NR1H4: variants seen among roughly 807,000 people sequenced by gnomAD.
The protein encoded by NR1H4 is nuclear receptor subfamily 1 group H member 4.
NR1H4 carries 23 observed loss-of-function variants against 58.5 expected under a neutral mutation model. That is an observed-to-expected ratio of 0.39 (90% CI 0.28 to 0.56). The LOEUF (loss-of-function observed/expected upper bound fraction) is 0.56, where lower values mean the gene tolerates loss of function less well. NR1H4 is among the 20% of genes least tolerant of loss of function. The pLI, the probability that NR1H4 is intolerant of heterozygous loss-of-function variation, is 0.58. For missense variants in NR1H4, 487 were observed against 576.9 expected, an observed-to-expected ratio of 0.84 and a Z score of 1.60; for synonymous variants, 214 against 198.0, an observed-to-expected ratio of 1.08 and a Z score of -0.68.
intron 1 of NR1H4, among the ~76,000 whole-genome samples, chr12:100,482,793 A>T (rs946791744): frequency 2.0e-5 from 3 of 152,184 alleles, no homozygotes; most frequent in African/African-American, 7.2e-5. Context: ...TGGTCCTGGA[A>T]GCCTCAACTC....
Position 100,510,864 on chromosome 12 carries a change from C to G in NR1H4, c.166C>G (p.Gln56Glu). Residue 56 changes from glutamine (Q) to glutamate (E), a missense_variant, in exon 4 of 11, where the codon CAA becomes GAA. By Grantham distance (29) the Gln-to-Glu change is conservative. Coordinates refer to ENST00000392986, the MANE Select transcript of NR1H4 (RefSeq NM_001206979.2). ...YSQYSNVQFP[Q>E]VQPQISSSSY... ...GCAATACAGCAATGTTCAGTTTCCC[C>G]AAGTTCAACCACAGATTTCCTCGTC... The G allele has an allele frequency of 6.2e-7, 1 of 1,614,166 alleles. No individual in the cohort carries two copies. Among genetic ancestry groups the G allele is most frequent in the Non-Finnish European group, 8.5e-7 (1 of 1,180,048 alleles).
At chr12:100,553,017 G>C (rs1241599515) in intron 9 of NR1H4, among the ~76,000 whole-genome samples, 1 of 148,638 alleles carries the variant, frequency 6.7e-6, no homozygotes, top group Admixed American at 6.7e-5. Flanking sequence ...TTTTTTTTTT[G>C]AGACGGAGTC....
intron 3 of NR1H4, among the ~76,000 whole-genome samples, chr12:100,501,373 G>A (rs1220708854): frequency 1.6e-5 from 2 of 128,302 alleles, no homozygotes; most frequent in Non-Finnish European, 3.0e-5. Context: ...TGGTGACCCC[G>A]ATCAAGCAAT....
intron 3 of NR1H4, among the ~76,000 whole-genome samples, chr12:100,508,284 G>A (rs1022087929): frequency 1.3e-5 from 2 of 152,058 alleles, no homozygotes; most frequent in Non-Finnish European, 2.9e-5. Context: ...AAGCGGCAAG[G>A]CACATTCAAG....
At position 100,474,001 on chromosome 12, in the gene NR1H4, A is replaced by C. The variant is rs185088122; in HGVS notation, c.-248A>C. On this transcript the variant is annotated 5_prime_UTR_variant, in exon 1 of 11. Transcript: ENST00000392986. ...AAATCGCTGGGATCTGGAGAGGAAG[A>C]CTCAGTCCAGAATCCTCCCAGGGCC... 6.6e-6 allele frequency: 1 copy of C among 152,118 alleles called. No homozygotes were observed. The highest frequency in any genetic ancestry group is 1.5e-5 in the Non-Finnish European group (1 of 68,044). The allele number at this position is 152,118 out of a possible 1,614,324, so 9.4% of individuals were successfully genotyped here.
At chr12:100,544,025 G>A (rs1259767197) in intron 9 of NR1H4, among the ~76,000 whole-genome samples, 3 of 152,094 alleles carry the variant, frequency 2.0e-5, no homozygotes, top group African/African-American at 7.2e-5. Flanking sequence ...GGCCAAGGCG[G>A]GTGGATTACA....
At chr12:100,500,368 A>T (rs1953807108) in intron 3 of NR1H4, among the ~76,000 whole-genome samples, 1 of 152,154 alleles carries the variant, frequency 6.6e-6, no homozygotes, top group Non-Finnish European at 1.5e-5. Context: ...TACAACATTC[A>T]CAGTGCTCCC....
intron 9 of NR1H4, among the ~76,000 whole-genome samples, chr12:100,556,169 G>A (rs553033347): frequency 5.4e-4 from 82 of 152,164 alleles, no homozygotes; most frequent in Admixed American, 1.5e-3. Flanking sequence ...TAAATAAATC[G>A]TATAATTCTC....
chr12:100,537,974 T>C (rs1268902928), intron 8 of NR1H4, among the ~76,000 whole-genome samples: 1 of 152,184 alleles, frequency 6.6e-6, no homozygotes, highest in African/African-American at 2.4e-5. Flanking sequence ...TTGGCCAAAG[T>C]GCTGGGATTA....
intron 1 of NR1H4, among the ~76,000 whole-genome samples, chr12:100,489,649 G>C (rs1391032665): frequency 6.6e-6 from 1 of 152,134 alleles, no homozygotes; most frequent in Non-Finnish European, 1.5e-5. Flanking sequence ...TCTGTTTTTA[G>C]ATACAGTATT....
At chr12:100,508,248 G>A (rs1374312005) in intron 3 of NR1H4, among the ~76,000 whole-genome samples, 2 of 152,108 alleles carry the variant, frequency 1.3e-5, no homozygotes, top group Non-Finnish European at 2.9e-5. Context: ...TCAGGAAGCA[G>A]CAGGTGGGAG....
In NR1H4 at chr12:100,485,623, C is replaced by T. The variant is rs536887820; in HGVS notation, c.-189-6880C>T. Among the ~76,000 whole-genome samples the T allele has an allele frequency of 2.6e-5, 4 of 152,084 alleles. No individual in the cohort carries two copies. The East Asian group carries it at 7.7e-4, about 29-fold the overall frequency. On this transcript the variant is annotated intron_variant, in intron 1 of 10. Transcript: ENST00000392986. ...TCTCGGCTCACTGCAACCTCCACTT[C>T]CTGGGTTCAAGTGATTCTCCTGCCT...
rs187697699 is a variant in NR1H4 at position 100,514,089 on chromosome 12, C to A, written c.445+2946C>A. On this transcript the variant is annotated intron_variant, in intron 4 of 10. Transcript: ENST00000392986. ...CTTATAGGATGGCATCTTTTGAGGC[C>A]TAATTCAAGAATTAATTTTTTAGCA... Among the ~76,000 whole-genome samples the A allele has an allele frequency of 5.6e-4, 85 of 152,204 alleles. 1 individual carries two copies. Among genetic ancestry groups the A allele is most frequent in the African/African-American group, 2.0e-3 (82 of 41,548 alleles).
chr12:100,563,729 C>G lies in NR1H4; in HGVS notation c.*240C>G, dbSNP rs1164080731. On this transcript the variant is annotated 3_prime_UTR_variant, in exon 11 of 11. Coordinates refer to ENST00000392986, the MANE Select transcript of NR1H4 (RefSeq NM_001206979.2). ...ATTCTAATTGGCAAGCCCTGTTTGC[C>G]TAATTAAATTGATTGTTACTTCAAT... 1 of 498,554 alleles carries G rather than the reference C, an allele frequency of 2.0e-6. No individual in the cohort carries two copies. The highest frequency in any genetic ancestry group is 1.9e-5 in the African/African-American group (1 of 52,164). The allele number at this position is 498,554 out of a possible 1,614,324, so 30.9% of individuals were successfully genotyped here. A position where few individuals can be genotyped will look rare whatever the true frequency, so the allele number is the denominator to read the frequency against.
At chr12:100,505,924 G>A in intron 3 of NR1H4, 1 of 293,186 alleles carries the variant, frequency 3.4e-6, no homozygotes, top group Non-Finnish European at 6.5e-6. Context: ...CAAGAGAAAG[G>A]CTGGGCCTTC....
intron 3 of NR1H4, among the ~76,000 whole-genome samples, chr12:100,509,053 G>A (rs1266344532): frequency 2.0e-5 from 3 of 152,054 alleles, no homozygotes; most frequent in Non-Finnish European, 2.9e-5. Context: ...AAACACATAC[G>A]ACTGCCAGGG....
rs1231233277 is a variant in NR1H4 at position 100,505,635 on chromosome 12, C to T, written c.80-5143C>T. 4.0e-5 allele frequency: 28 copies of T among 701,246 alleles called. No individual in the cohort carries two copies. In the Admixed American group the frequency reaches 5.4e-4, roughly 14 times the overall value. The allele number at this position is 701,246 out of a possible 1,614,324, so 43.4% of individuals were successfully genotyped here. A position where few individuals can be genotyped will look rare whatever the true frequency, so the allele number is the denominator to read the frequency against. ...TCTCATTTAAGAACTCGTCCCTAAA[C>T]TTCCATGGAGAACCGTCACAAAGGA... On this transcript the variant is annotated intron_variant, in intron 3 of 10. Coordinates refer to ENST00000392986, the MANE Select transcript of NR1H4 (RefSeq NM_001206979.2).
intron 1 of NR1H4, among the ~76,000 whole-genome samples, chr12:100,479,185 T>C (rs1195921104): frequency 4.2e-4 from 64 of 152,292 alleles, no homozygotes; most frequent in Admixed American, 4.1e-3. Flanking sequence ...TATATTTAGC[T>C]TTGTTTGTGA....
At chr12:100,545,661 A>AAAAAC (rs1565777405) in intron 9 of NR1H4, among the ~76,000 whole-genome samples, 9 of 147,870 alleles carry the variant, frequency 6.1e-5, no homozygotes, top group African/African-American at 2.1e-4. Context: ...AAAAAAAAAA[A>AAAAAC]AAAAAAAACC....
Sources: gnomAD v4.1 joint callset for allele counts (sites outside exome capture counted in the v4.1 genomes callset) on GRCh38, gnomAD v4.1.1 for gene constraint, MANE v1.5 for transcripts, NCBI Gene and HGNC (gene_info 2026-07-23, HGNC 2026-07-21) for gene names.